Variants in SMYD3 observed in about 807,000 individuals in gnomAD.
SMYD3 encodes histone-lysine N-methyltransferase SMYD3.
A neutral mutation model predicts 57.7 loss-of-function variants in SMYD3; 36 were observed. That is an observed-to-expected ratio of 0.62 (90% CI 0.48 to 0.82). SMYD3 has a LOEUF of 0.82. Among genes scored for constraint, SMYD3 ranks in the 40% least tolerant of loss-of-function variants. The probability of loss-of-function intolerance (pLI) is 0.00; values close to 1 mark genes in which losing one functional copy is unlikely to be tolerated. For synonymous variants in SMYD3, 211 were observed against 195.0 expected, an observed-to-expected ratio of 1.08 and a Z score of -0.68; for missense variants, 515 against 538.8, an observed-to-expected ratio of 0.96 and a Z score of 0.44.
intron 8 of SMYD3, among the ~76,000 whole-genome samples, chr1:245,881,635 G>A (rs902362770): frequency 2.6e-5 from 4 of 152,168 alleles, no homozygotes; most frequent in Non-Finnish European, 5.9e-5. Flanking sequence ...GACTGATAGG[G>A]TCATTAGTAC....
chr1:246,137,946 G>A (rs951584585), intron 5 of SMYD3, among the ~76,000 whole-genome samples: 2 of 152,116 alleles, frequency 1.3e-5, no homozygotes, highest in South Asian at 2.1e-4. Flanking sequence ...TTATTACCCT[G>A]AATTTTAGAA....
intron 5 of SMYD3, among the ~76,000 whole-genome samples, chr1:246,314,011 A>C (rs566650595): frequency 1.1e-4 from 17 of 152,316 alleles, no homozygotes; most frequent in Admixed American, 9.8e-4. Flanking sequence ...ATTCCATGTC[A>C]ATTATCTTTA....
At chr1:246,309,911 T>G (rs2065046987) in intron 5 of SMYD3, among the ~76,000 whole-genome samples, 1 of 152,184 alleles carries the variant, frequency 6.6e-6, no homozygotes, top group Admixed American at 6.5e-5. Context: ...GAGCTTTACT[T>G]TATGGAATAC....
At chr1:245,992,500 T>C (rs1394136000) in intron 5 of SMYD3, among the ~76,000 whole-genome samples, 3 of 152,186 alleles carry the variant, frequency 2.0e-5, no homozygotes, top group Admixed American at 6.5e-5. Context: ...ATGGCAGTCA[T>C]GGGGCCTGGA....
intron 5 of SMYD3, among the ~76,000 whole-genome samples, chr1:245,946,924 A>G (rs1161442049): frequency 6.6e-6 from 1 of 152,180 alleles, no homozygotes; most frequent in Non-Finnish European, 1.5e-5. Context: ...TTTCCTGACT[A>G]TTGGCCATAT....
chr1:245,958,474 T>C (rs759367650), intron 5 of SMYD3, among the ~76,000 whole-genome samples: 3 of 152,166 alleles, frequency 2.0e-5, no homozygotes, highest in Non-Finnish European at 4.4e-5. Context: ...GGCTCTTTCA[T>C]TCGTGTGACT....
At chr1:246,408,764 G>A (rs1446691809) in intron 1 of SMYD3, among the ~76,000 whole-genome samples, 1 of 148,776 alleles carries the variant, frequency 6.7e-6, no homozygotes, top group Non-Finnish European at 1.5e-5. Flanking sequence ...CTGCCTCCCA[G>A]GTTCATGCAA....
At chr1:246,033,281 GA>G (rs1312375735) in intron 5 of SMYD3, among the ~76,000 whole-genome samples, 2 of 151,212 alleles carry the variant, frequency 1.3e-5, no homozygotes, top group Admixed American at 6.6e-5. Flanking sequence ...TATCCTAAGT[GA>G]AAAAAAAACC....
At chr1:246,479,502 A>ATTT (rs35818746) in intron 1 of SMYD3, among the ~76,000 whole-genome samples, 23,736 of 107,354 alleles carry the variant, frequency 0.22, 3,072 homozygotes, top group Middle Eastern at 0.32. Flanking sequence ...AAAAAGCGGG[A>ATTT]TTTTTTTTTT....
chr1:245,985,721 T>A (rs572223428), intron 5 of SMYD3, among the ~76,000 whole-genome samples: 1 of 152,336 alleles, frequency 6.6e-6, no homozygotes, highest in Non-Finnish European at 1.5e-5. Flanking sequence ...AAAAACTAGT[T>A]AATGATATCT....
chr1:246,108,932 C>T (rs140959826), intron 5 of SMYD3, among the ~76,000 whole-genome samples: 1 of 152,314 alleles, frequency 6.6e-6, no homozygotes, highest in East Asian at 1.9e-4. Context: ...CTTTCTCTTC[C>T]TTCTAATGCA....
At chr1:246,497,138 TA>T (rs144505421) in intron 1 of SMYD3, among the ~76,000 whole-genome samples, 2,549 of 152,290 alleles carry the variant, frequency 0.017, 36 homozygotes, top group Non-Finnish European at 0.026. Flanking sequence ...CTTGTAGTAA[TA>T]AACTGTAAGG....
intron 2 of SMYD3, among the ~76,000 whole-genome samples, chr1:246,340,673 T>C (rs916068791): frequency 1.2e-4 from 19 of 152,184 alleles, no homozygotes; most frequent in African/African-American, 2.7e-4. Flanking sequence ...AATATCAAAA[T>C]TGTAATGTGC....
intron 5 of SMYD3, among the ~76,000 whole-genome samples, chr1:245,939,012 G>A: frequency 6.6e-6 from 1 of 151,872 alleles, no homozygotes; most frequent in Non-Finnish European, 1.5e-5. Context: ...CGGGCGTGGT[G>A]GCCTGAGGCT....
chr1:246,125,073 A>G (rs1350898785), intron 5 of SMYD3, among the ~76,000 whole-genome samples: 1 of 58,932 alleles, frequency 1.7e-5, no homozygotes, highest in Non-Finnish European at 4.0e-5. Context: ...CTCCGTCTCA[A>G]AAAAAAAAAA....
chr1:245,927,998 C>T lies in SMYD3; in HGVS notation c.635G>A (p.Cys212Tyr). Residue 212 changes from cysteine to tyrosine, a missense_variant, in exon 7 of 12, where the codon TGT becomes TAT. Transcript: ENST00000490107. ...SLLNHSCDPNCSIVFNGPHLL... is the reference protein window; with the variant it reads ...SLLNHSCDPNYSIVFNGPHLL... ...GTGGGGCCCATTGAACACAATCGAA[C>T]AGTTGGGGTCACAGCTGTGATTGAG... 1 of 1,612,442 alleles carries T rather than the reference C, an allele frequency of 6.2e-7. No homozygotes were observed. Among genetic ancestry groups the T allele is most frequent in the Non-Finnish European group, 8.5e-7 (1 of 1,179,114 alleles).
rs559327421 is a variant in SMYD3 at position 246,101,953 on chromosome 1, T to C, written c.532-172016A>G. ...ATTCTCTTTGTTCGGCCTACGTAAA[T>C]ACCTCCATTATCCATTTTAACAATC... is the stretch of plus-strand genomic sequence containing the variant. On this transcript the variant is annotated intron_variant, in intron 5 of 11. Transcript: ENST00000490107. Among the ~76,000 whole-genome samples the C allele has an allele frequency of 1.9e-3, 287 of 152,340 alleles. 1 individual carries two copies. The highest frequency in any genetic ancestry group is 3.1e-3 in the Non-Finnish European group (212 of 68,022).
chr1:246,100,578 A>G (rs560235585), intron 5 of SMYD3, among the ~76,000 whole-genome samples: 16 of 152,370 alleles, frequency 1.1e-4, no homozygotes, highest in Admixed American at 7.8e-4. Context: ...TCAAGAGACC[A>G]GGGTTCTGGT....
intron 5 of SMYD3, among the ~76,000 whole-genome samples, chr1:245,957,182 A>G (rs1303250170): frequency 6.6e-6 from 1 of 152,238 alleles, no homozygotes; most frequent in Non-Finnish European, 1.5e-5. Context: ...CCAACTACAG[A>G]TAAGATTTTC....
Sources: allele counts gnomAD v4.1 joint callset (sites outside exome capture counted in the v4.1 genomes callset), GRCh38; gene constraint gnomAD v4.1.1; transcripts MANE v1.5; gene names NCBI Gene and HGNC (gene_info 2026-07-23, HGNC 2026-07-21).